Variants in EPHB2 observed in about 807,000 individuals in gnomAD.
The protein encoded by EPHB2 is EPH receptor B2, also known as ephrin type-B receptor 2.
In EPHB2, 18 loss-of-function variants were observed where a neutral mutation model predicts 96.4. The ratio of observed to expected loss-of-function variants is 0.19; its 90% CI spans 0.13 to 0.28. The LOEUF is 0.28. EPHB2 is among the 10% of genes least tolerant of loss of function. The probability of loss-of-function intolerance (pLI) is 1.00; values close to 1 mark genes in which losing one functional copy is unlikely to be tolerated. For missense variants in EPHB2, 989 were observed against 1,355.4 expected, an observed-to-expected ratio of 0.73 and a Z score of 4.25; for synonymous variants, 506 against 534.1, an observed-to-expected ratio of 0.95 and a Z score of 0.72.
At chr1:22,893,701 C>T (rs1639464776) in intron 7 of EPHB2, among the ~76,000 whole-genome samples, 1 of 152,202 alleles carries the variant, frequency 6.6e-6, no homozygotes, top group Non-Finnish European at 1.5e-5. Flanking sequence ...ACCTCTCCAA[C>T]CCTCAGCTTT....
At chr1:22,834,353 G>A (rs1353108929) in intron 3 of EPHB2, among the ~76,000 whole-genome samples, 1 of 152,144 alleles carries the variant, frequency 6.6e-6, no homozygotes, top group Non-Finnish European at 1.5e-5. Flanking sequence ...GATATGAGAG[G>A]GGGTCTTGTA....
chr1:22,882,531 C>A, intron 6 of EPHB2, 48 bp downstream of exon 6: 1 of 1,610,406 alleles, frequency 6.2e-7, no homozygotes, highest in Non-Finnish European at 8.5e-7. Context: ...CCCTGAGGGC[C>A]CCTCTCCCAG....
intron 1 of EPHB2, among the ~76,000 whole-genome samples, chr1:22,718,282 A>G (rs1175777648): frequency 6.6e-6 from 1 of 151,886 alleles, no homozygotes; most frequent in Non-Finnish European, 1.5e-5. Flanking sequence ...CTAATCTGGG[A>G]AAGGGGTAGA....
intron 1 of EPHB2, among the ~76,000 whole-genome samples, chr1:22,722,567 A>G (rs1248034433): frequency 6.6e-6 from 1 of 152,178 alleles, no homozygotes; most frequent in Non-Finnish European, 1.5e-5. Context: ...CTTTCCCTGT[A>G]ACTTCCCTGC....
At chr1:22,838,718 G>A (rs1645420881) in intron 3 of EPHB2, among the ~76,000 whole-genome samples, 1 of 152,174 alleles carries the variant, frequency 6.6e-6, no homozygotes, top group Non-Finnish European at 1.5e-5. Flanking sequence ...CACGAGGTCA[G>A]GAGATCGAGC....
At position 22,910,589 on chromosome 1, in the gene EPHB2, C is replaced by G. The variant is rs1640064523; in HGVS notation, c.2696+14C>G. On this transcript the variant is annotated intron_variant, in intron 14 of 15. Transcript: ENST00000374630. ...CCTCTCCTCTGGGTAAGGCCCCACC[C>G]TGGCCCTGCCCCAGCCAGGCCCTGC... is the stretch of plus-strand genomic sequence containing the variant. 1 of 1,613,664 alleles carries G rather than the reference C, an allele frequency of 6.2e-7. No individual in the cohort carries two copies. Among genetic ancestry groups the G allele is most frequent in the Non-Finnish European group, 8.5e-7 (1 of 1,179,866 alleles).
intron 1 of EPHB2, among the ~76,000 whole-genome samples, chr1:22,774,271 G>A (rs939177920): frequency 3.3e-5 from 5 of 152,144 alleles, no homozygotes; most frequent in African/African-American, 7.2e-5. Context: ...TTCACACGTC[G>A]GGCACTAGTC....
chr1:22,908,892 T>G, intron 12 of EPHB2, 130 bp from the exon 13 acceptor site: 3 of 1,401,974 alleles, frequency 2.1e-6, no homozygotes, highest in Non-Finnish European at 3.0e-6. Context: ...TGAAGCTGCA[T>G]GGTAAGTTTG....
intron 1 of EPHB2, among the ~76,000 whole-genome samples, chr1:22,779,326 C>T (rs922404618): frequency 6.6e-6 from 1 of 152,176 alleles, no homozygotes; most frequent in African/African-American, 2.4e-5. Flanking sequence ...CTCCCTGTGC[C>T]AGCCCCCAGT....
chr1:22,737,697 A>G (rs1031199920), intron 1 of EPHB2, among the ~76,000 whole-genome samples: 1 of 152,228 alleles, frequency 6.6e-6, no homozygotes, highest in African/African-American at 2.4e-5. Flanking sequence ...ACTGGAGTGT[A>G]GAGACTTTCT....
intron 6 of EPHB2, 79 bp from the exon 7 acceptor site, chr1:22,892,805 A>T: frequency 6.4e-7 from 1 of 1,566,392 alleles, no homozygotes; most frequent in Non-Finnish European, 8.8e-7. Flanking sequence ...CCTGCCCCCA[A>T]TGTGGCAGGA....
intron 3 of EPHB2, among the ~76,000 whole-genome samples, chr1:22,808,788 A>G (rs1474777474): frequency 6.6e-6 from 1 of 152,242 alleles, no homozygotes; most frequent in Non-Finnish European, 1.5e-5. Flanking sequence ...AAAGCAGTTA[A>G]GTAACTTACC....
chr1:22,831,099 G>T (rs1226236503), intron 3 of EPHB2, among the ~76,000 whole-genome samples: 1 of 152,184 alleles, frequency 6.6e-6, no homozygotes, highest in Non-Finnish European at 1.5e-5. Flanking sequence ...AAACCCAGGG[G>T]CTCCCCAGAT....
intron 1 of EPHB2, among the ~76,000 whole-genome samples, chr1:22,730,202 G>A (rs1242646639): frequency 6.6e-6 from 1 of 152,258 alleles, no homozygotes; most frequent in East Asian, 1.9e-4. Flanking sequence ...GACAGATGAG[G>A]CTTCTAATAC....
At chr1:22,723,029 A>G (rs1479674108) in intron 1 of EPHB2, among the ~76,000 whole-genome samples, 1 of 152,230 alleles carries the variant, frequency 6.6e-6, no homozygotes, top group East Asian at 1.9e-4. Context: ...CATGCCAAGC[A>G]CTGGGGCGGG....
intron 1 of EPHB2, among the ~76,000 whole-genome samples, chr1:22,744,157 T>C (rs1643937187): frequency 8.9e-6 from 1 of 112,858 alleles, no homozygotes; most frequent in Admixed American, 1.1e-4. Context: ...AGAGTATGAA[T>C]AAAATCAGTC....
rs922804000 is a variant in EPHB2, at chr1:22,733,061, C to CT, written c.61+22027dup. Among the ~76,000 whole-genome samples, 192 of 150,950 alleles carry CT rather than the reference C, an allele frequency of 1.3e-3. No individual in the cohort carries two copies. The highest frequency in any genetic ancestry group is 6.9e-3 in the South Asian group (33 of 4,784). The stretch of plus-strand genomic sequence containing the variant: ...GCTGCCTTTCTTTCTTTCTTTCTTT[C>CT]TTTTTTTTTGGAGTTTCGCTCTTGT... On this transcript the variant is annotated intron_variant, in intron 1 of 15. Coordinates refer to ENST00000374630, the MANE Select transcript of EPHB2 (RefSeq NM_017449.5). The surrounding 1 kb of genome is among the most constrained non-coding windows in gnomAD (Gnocchi z 4.6).
At chr1:22,801,828 T>C (rs1362749615) in intron 3 of EPHB2, among the ~76,000 whole-genome samples, 1 of 152,172 alleles carries the variant, frequency 6.6e-6, no homozygotes, top group Non-Finnish European at 1.5e-5. Flanking sequence ...ATGCCTCTCT[T>C]TATCTCCCAG....
rs563768794 is a variant in EPHB2, at chr1:22,735,241, C to G, written c.61+24198C>G. Reference sequence around the variant, plus strand: ...TTGCTTGAGGCCAGGAGTTCGAGACCAGCTTGGGCAACACAGTGTGACCCC... The same window carrying G: ...TTGCTTGAGGCCAGGAGTTCGAGACGAGCTTGGGCAACACAGTGTGACCCC... On this transcript the variant is annotated intron_variant, in intron 1 of 15. Coordinates refer to ENST00000374630, the MANE Select transcript of EPHB2 (RefSeq NM_017449.5). Among the ~76,000 whole-genome samples, 7 of 152,032 alleles carry G rather than the reference C, an allele frequency of 4.6e-5. No homozygotes were observed. The South Asian group carries it at 1.2e-3, about 27-fold the overall frequency.
Sources: gnomAD v4.1 joint callset for allele counts (sites outside exome capture counted in the v4.1 genomes callset) on GRCh38, gnomAD v4.1.1 for gene constraint, Gnocchi (gnomAD v3.1) non-coding constraint, MANE v1.5 for transcripts, NCBI Gene and HGNC (gene_info 2026-07-23, HGNC 2026-07-21) for gene names.